Variants in KCNK10 observed in about 807,000 individuals in gnomAD.
KCNK10 encodes potassium two pore domain channel subfamily K member 10.
A neutral mutation model predicts 47.7 loss-of-function variants in KCNK10; 25 were observed. The ratio of observed to expected loss-of-function variants is 0.52; its 90% confidence interval spans 0.38 to 0.73. The LOEUF (loss-of-function observed/expected upper bound fraction) is 0.73, where lower values mean the gene tolerates loss of function less well. Among genes scored for constraint, KCNK10 ranks in the 30% least tolerant of loss-of-function variants. KCNK10 has a pLI of 0.00. For synonymous variants in KCNK10, 303 were observed against 285.6 expected (o/e 1.06, Z -0.61); for missense variants, 563 against 714.5 (o/e 0.79, Z 2.42).
At chr14:88,227,315 T>C in intron 4 of KCNK10, 60 bp downstream of exon 4, 3 of 1,368,742 alleles carry the variant, frequency 2.2e-6, no homozygotes, top group Non-Finnish European at 3.0e-6. Flanking sequence ...TCCTGGATCC[T>C]GTCAGGCTAA....
At chr14:88,227,128 C>A (rs961060152) in intron 4 of KCNK10, among the ~76,000 whole-genome samples, 3 of 152,186 alleles carry the variant, frequency 2.0e-5, no homozygotes, top group African/African-American at 7.2e-5. Flanking sequence ...TCTGTGTTGG[C>A]AAATCCATAC....
At position 88,186,261 on chromosome 14, in the gene KCNK10, A is replaced by G; in HGVS notation, c.1012-106T>C. On this transcript the variant is annotated intron_variant, in intron 6 of 6. Transcript: ENST00000319231. The surrounding 1 kb of genome is among the most constrained non-coding windows in gnomAD (Gnocchi z 5.5). The stretch of plus-strand genomic sequence containing the variant: ...GTCCCCACGGGGAGGCCAGGAGGTG[A>G]CGGAGCACATGCCCAGGGGGAGGTG... 7.4e-7 allele frequency: 1 copy of G among 1,343,054 alleles called. No homozygotes were observed. The highest frequency in any genetic ancestry group is 1.0e-6 in the Non-Finnish European group (1 of 1,004,872). The allele number at this position is 1,343,054 out of a possible 1,614,324, so 83.2% of individuals were successfully genotyped here.
Position 88,185,505 on chromosome 14 carries a change from C to T in KCNK10, c.*30G>A, listed in dbSNP as rs375611228. ...AAAACACACACACACACACACACAA[C>T]GCTCAGTCCAAGACCAATGTCCTTC... On this transcript the variant is annotated 3_prime_UTR_variant, in exon 7 of 7. Transcript: ENST00000319231. This position sits in a 1 kb window ranked among gnomAD's most constrained non-coding sequence, Gnocchi z 4.3. The T allele has an allele frequency of 1.7e-5, 26 of 1,558,822 alleles. No homozygotes were observed. The Admixed American group carries it at 3.7e-4, about 22-fold the overall frequency.
rs561927366 is a variant in KCNK10 at position 88,248,970 on chromosome 14, T to C, written c.403-8150A>G. ...CTCACAAAATCCTGTGAGGTTATAG[T>C]AGTTAGGAAGTGTCAGAGCTGAGAC... On this transcript the variant is annotated intron_variant, in intron 2 of 6. Coordinates refer to ENST00000319231, the MANE Select transcript of KCNK10 (RefSeq NM_138317.3). Among the ~76,000 whole-genome samples the C allele has an allele frequency of 3.9e-5, 6 of 152,334 alleles. 1 individual carries two copies. The South Asian group carries it at 8.3e-4, about 21-fold the overall frequency.
chr14:88,219,743 T>C (rs1249835753), intron 4 of KCNK10, among the ~76,000 whole-genome samples: 3 of 152,202 alleles, frequency 2.0e-5, no homozygotes, highest in African/African-American at 4.8e-5. Context: ...TTGGAATCAC[T>C]TGGACAGCTT....
At position 88,181,864 on chromosome 14, in the gene KCNK10, G is replaced by T. The variant is rs533029512; in HGVS notation, c.*3671C>A. 5.9e-5 allele frequency: 9 copies of T among 152,304 alleles called. No individual in the cohort carries two copies. The South Asian group carries it at 1.9e-3, about 32-fold the overall frequency. 9.4% of individuals were successfully genotyped at this position (152,304 alleles called of 1,614,324 possible). A position where few individuals can be genotyped will look rare whatever the true frequency, so the allele number is the denominator to read the frequency against. ...CATTAGAGAACTGCACAACTACAAT[G>T]GCCCTTGACAAGTATCTGTGCTCAA... On this transcript the variant is annotated 3_prime_UTR_variant, in exon 7 of 7. Transcript: ENST00000319231.
At chr14:88,262,231 T>C (rs974823031) in intron 2 of KCNK10, among the ~76,000 whole-genome samples, 9 of 152,116 alleles carry the variant, frequency 5.9e-5, no homozygotes, top group Non-Finnish European at 1.3e-4. Flanking sequence ...CCTCCATAAA[T>C]GTCACCGCCT....
At chr14:88,325,510 C>A (rs1888642054), upstream of KCNK10, among the ~76,000 whole-genome samples, 1 of 152,162 alleles carries the variant, frequency 6.6e-6, no homozygotes, top group Admixed American at 6.5e-5. Context: ...AAGAAACATT[C>A]CCAAGGTCAC....
At chr14:88,262,107 GC>G (rs1887127990) in intron 2 of KCNK10, among the ~76,000 whole-genome samples, 1 of 152,186 alleles carries the variant, frequency 6.6e-6, no homozygotes, top group Admixed American at 6.5e-5. Context: ...GATTGTTGCA[GC>G]CATTAGAATT....
chr14:88,191,930 A>T (rs1400299174), intron 5 of KCNK10, among the ~76,000 whole-genome samples: 1 of 152,190 alleles, frequency 6.6e-6, no homozygotes, highest in African/African-American at 2.4e-5. Context: ...TTCAATTCAG[A>T]AGTTCAAGAT....
chr14:88,275,590 T>G (rs540825575), intron 1 of KCNK10, among the ~76,000 whole-genome samples: 148 of 151,344 alleles, frequency 9.8e-4, no homozygotes, highest in African/African-American at 3.5e-3. Context: ...GGCTCATGCT[T>G]GTCATCCCAG....
intron 3 of KCNK10, among the ~76,000 whole-genome samples, chr14:88,238,256 T>A (rs902131705): frequency 3.3e-5 from 5 of 152,250 alleles, no homozygotes; most frequent in Non-Finnish European, 5.9e-5. Flanking sequence ...AAGGGAATGT[T>A]GTGGCTGGTT....
At chr14:88,251,965 C>T (rs1037695389) in intron 2 of KCNK10, among the ~76,000 whole-genome samples, 4 of 152,198 alleles carry the variant, frequency 2.6e-5, no homozygotes, top group African/African-American at 9.7e-5. Flanking sequence ...AGCTCCCTCT[C>T]CTTTGCAACT....
intron 1 of KCNK10, among the ~76,000 whole-genome samples, chr14:88,266,280 T>G (rs190303720): frequency 6.6e-6 from 1 of 152,330 alleles, no homozygotes; most frequent in East Asian, 1.9e-4. Context: ...CCAGCAATAC[T>G]GAAAGCAGGT....
At chr14:88,263,931 T>C (rs1887188296) in intron 1 of KCNK10, among the ~76,000 whole-genome samples, 1 of 152,194 alleles carries the variant, frequency 6.6e-6, no homozygotes, top group South Asian at 2.1e-4. Flanking sequence ...AAACATGTTG[T>C]TGAACTTGGA....
intron 1 of KCNK10, among the ~76,000 whole-genome samples, chr14:88,315,313 T>C (rs1167202847): frequency 2.0e-5 from 3 of 152,182 alleles, no homozygotes; most frequent in Non-Finnish European, 2.9e-5. Flanking sequence ...ACAGTTAACA[T>C]GGGTAACAAC....
chr14:88,221,067 C>T (rs28782020), intron 4 of KCNK10, among the ~76,000 whole-genome samples: 7,124 of 151,716 alleles, frequency 0.047, 466 homozygotes, highest in East Asian at 0.24. Flanking sequence ...TCTGGGAGAC[C>T]GAGGCAGGTG....
chr14:88,187,583 C>T (rs1453512634), intron 6 of KCNK10, among the ~76,000 whole-genome samples: 1 of 151,850 alleles, frequency 6.6e-6, no homozygotes, highest in Non-Finnish European at 1.5e-5. Context: ...TGGCGTTCAA[C>T]TGCCTTTCTG....
At chr14:88,250,546 A>G (rs1192942096) in intron 2 of KCNK10, among the ~76,000 whole-genome samples, 1 of 152,220 alleles carries the variant, frequency 6.6e-6, no homozygotes, top group Non-Finnish European at 1.5e-5. Flanking sequence ...GCAGACAAAC[A>G]GAGGGCTGCT....
Sources: allele counts gnomAD v4.1 joint callset (sites outside exome capture counted in the v4.1 genomes callset), GRCh38; gene constraint gnomAD v4.1.1; non-coding constraint Gnocchi (gnomAD v3.1); transcripts MANE v1.5; gene names NCBI Gene and HGNC (gene_info 2026-07-23, HGNC 2026-07-21).